PARD6G: variants seen among roughly 807,000 people sequenced by gnomAD.
The protein encoded by PARD6G is par-6 family cell polarity regulator gamma.
A neutral mutation model predicts 10.7 loss-of-function variants in PARD6G; 7 were observed. The ratio of observed to expected loss-of-function variants is 0.66; its 90% CI spans 0.37 to 1.23. The LOEUF (loss-of-function observed/expected upper bound fraction) is 1.23, where lower values mean the gene tolerates loss of function less well. Ranked by LOEUF, PARD6G falls within the 50% of genes most tolerant of loss-of-function variation. The pLI is 0.02. For synonymous variants in PARD6G, 287 were observed against 269.4 expected (o/e 1.07, Z -0.64); for missense variants, 548 against 571.8 (o/e 0.96, Z 0.42).
chr18:80,231,268 C>T lies in PARD6G; in HGVS notation c.72+16009G>A, dbSNP rs893572951. ...TTGGCCTGGGCCCAAGTGTGTGAGG[C>T]GTGAGCACAGGCTGCGCATCTGTCC... On this transcript the variant is annotated intron_variant, in intron 1 of 2. Transcript: ENST00000353265. This position sits in a 1 kb window ranked among gnomAD's most constrained non-coding sequence, Gnocchi z 4.2. 3.3e-5 allele frequency among the ~76,000 whole-genome samples: 5 copies of T among 152,200 alleles called. No homozygotes were observed. Among genetic ancestry groups the T allele is most frequent in the Admixed American group, 6.5e-5 (1 of 15,286 alleles).
rs149015292 is a variant in PARD6G, at chr18:80,245,610, A to G, written c.72+1667T>C. Among the ~76,000 whole-genome samples, 56 of 152,282 alleles carry G rather than the reference A, an allele frequency of 3.7e-4. 1 individual carries two copies. In the East Asian group the frequency reaches 9.1e-3, roughly 25 times the overall value. Reference sequence around the variant, plus strand: ...AGAGGCTGAGAACACAGACCTCTATATTCTCTCACAGCTACTTGTGAATGT... The same window carrying G: ...AGAGGCTGAGAACACAGACCTCTATGTTCTCTCACAGCTACTTGTGAATGT... On this transcript the variant is annotated intron_variant, in intron 1 of 2. Coordinates refer to ENST00000353265, the MANE Select transcript of PARD6G (RefSeq NM_032510.4).
chr18:80,215,471 G>C (rs1242110991), intron 1 of PARD6G, among the ~76,000 whole-genome samples: 1 of 152,118 alleles, frequency 6.6e-6, no homozygotes, highest in Non-Finnish European at 1.5e-5. Context: ...AATGTAATTT[G>C]TATGATGACA....
intron 1 of PARD6G, among the ~76,000 whole-genome samples, chr18:80,203,294 A>G (rs1336782956): frequency 1.3e-5 from 2 of 152,198 alleles, no homozygotes; most frequent in Admixed American, 1.3e-4. Context: ...GTATTTATTA[A>G]TTCTCCACAA....
At chr18:80,223,801 A>C (rs1368576663) in intron 1 of PARD6G, among the ~76,000 whole-genome samples, 7 of 152,214 alleles carry the variant, frequency 4.6e-5, no homozygotes, top group Non-Finnish European at 1.5e-5. Flanking sequence ...AGGATGTTCC[A>C]AGGGACCAAG....
intron 2 of PARD6G, among the ~76,000 whole-genome samples, chr18:80,173,250 G>A (rs551239253): frequency 6.7e-4 from 102 of 152,314 alleles, no homozygotes; most frequent in African/African-American, 2.3e-3. Flanking sequence ...TATGGAAAAA[G>A]TTTGTCGTGG....
intron 1 of PARD6G, among the ~76,000 whole-genome samples, chr18:80,223,169 C>G (rs1568441248): frequency 6.6e-6 from 1 of 151,942 alleles, no homozygotes; most frequent in Non-Finnish European, 1.5e-5. Flanking sequence ...AACTATTAGA[C>G]AAATACATAG....
rs2052687915 is a variant in PARD6G, at chr18:80,160,136, C to G, written c.766G>C (p.Val256Leu). Residue 256 changes from valine to leucine, a missense_variant, in exon 3 of 3, where the codon GTG (valine) becomes CTG (leucine). This residue lies in a region of PARD6G where 313 missense variants were observed against 279.9 expected (regional missense o/e 1.12). Transcript: ENST00000353265. ...TVKPANQRNN[V>L]VRGGRALGSS... The stretch of plus-strand genomic sequence containing the variant: ...CCCAACGCGCGGCCGCCGCGCACCA[C>G]GTTGTTGCGCTGGTTGGCGGGCTTG... 1.2e-6 allele frequency: 2 copies of G among 1,613,068 alleles called. No individual in the cohort carries two copies. Among genetic ancestry groups the G allele is most frequent in the Non-Finnish European group, 1.7e-6 (2 of 1,179,696 alleles).
intron 1 of PARD6G, among the ~76,000 whole-genome samples, chr18:80,204,734 A>AACCCGGGAGGCAGAGGTTGCAGT (rs1366738887): frequency 6.6e-6 from 1 of 151,956 alleles, no homozygotes; most frequent in Admixed American, 6.6e-5. Context: ...AGATTACTTG[A>AACCCGGGAGGCAGAGGTTGCAGT]GGTCAGGAGT....
At chr18:80,213,572 A>G (rs1967129373) in intron 1 of PARD6G, among the ~76,000 whole-genome samples, 1 of 152,256 alleles carries the variant, frequency 6.6e-6, no homozygotes. Flanking sequence ...GACAAAGAAT[A>G]CAGACTTCAT....
intron 1 of PARD6G, among the ~76,000 whole-genome samples, chr18:80,217,916 A>G (rs1022711815): frequency 1.8e-4 from 27 of 152,164 alleles, no homozygotes; most frequent in African/African-American, 6.5e-4. Flanking sequence ...CAGCAAGGAG[A>G]AGTGCAGAGT....
chr18:80,211,810 C>T (rs1193103407), intron 1 of PARD6G, among the ~76,000 whole-genome samples: 1 of 152,064 alleles, frequency 6.6e-6, no homozygotes, highest in African/African-American at 2.4e-5. Flanking sequence ...CAGAGAAGGA[C>T]AATACTGTAT....
At chr18:80,238,599 T>C (rs1599878860) in intron 1 of PARD6G, among the ~76,000 whole-genome samples, 1 of 152,042 alleles carries the variant, frequency 6.6e-6, no homozygotes, top group African/African-American at 2.4e-5. Flanking sequence ...CGGGGGTAGG[T>C]ACTCACTAGA....
intron 1 of PARD6G, among the ~76,000 whole-genome samples, chr18:80,214,037 A>G (rs1325420543): frequency 6.6e-6 from 1 of 152,110 alleles, no homozygotes; most frequent in Non-Finnish European, 1.5e-5. Flanking sequence ...AAAATAAAGC[A>G]GTCAGTAGAA....
In PARD6G at chr18:80,247,201, G is replaced by C; in HGVS notation, c.72+76C>G. The C allele has an allele frequency of 1.6e-6, 2 of 1,247,482 alleles. No individual in the cohort carries two copies. The highest frequency in any genetic ancestry group is 2.7e-5 in the South Asian group (2 of 73,214). The allele number at this position is 1,247,482 out of a possible 1,614,324, so 77.3% of individuals were successfully genotyped here. A position where few individuals can be genotyped will look rare whatever the true frequency, so the allele number is the denominator to read the frequency against. ...CGCCTGTCGCCTCCACGCCGCCCCA[G>C]TCCCCCTCCGCGGGGCGCCCCATTC... is the stretch of plus-strand genomic sequence containing the variant. On this transcript the variant is annotated intron_variant, in intron 1 of 2. Coordinates refer to ENST00000353265, the MANE Select transcript of PARD6G (RefSeq NM_032510.4). The surrounding 1 kb of genome is among the most constrained non-coding windows in gnomAD (Gnocchi z 4.2).
intron 2 of PARD6G, 147 bp downstream of exon 2, chr18:80,202,563 C>T (rs1394704833): frequency 3.2e-6 from 2 of 626,142 alleles, no homozygotes; most frequent in Admixed American, 3.0e-5. Flanking sequence ...TCTATTAATG[C>T]TGATGAAACA....
At chr18:80,239,135 G>A (rs1183296901) in intron 1 of PARD6G, among the ~76,000 whole-genome samples, 1 of 152,152 alleles carries the variant, frequency 6.6e-6, no homozygotes, top group African/African-American at 2.4e-5. Flanking sequence ...GATGTGAAGG[G>A]AGAATAAGGG....
At position 80,166,611 on chromosome 18, in the gene PARD6G, A is replaced by G. The variant is rs148314695; in HGVS notation, c.296-6005T>C. On this transcript the variant is annotated intron_variant, in intron 2 of 2. Coordinates refer to ENST00000353265, the MANE Select transcript of PARD6G (RefSeq NM_032510.4). Reference sequence around the variant, plus strand: ...AGCAGCATTTTCAAGTTTCTGGTAAATGTCCTCTGTAGAGAGCGTCAGACA... The same window carrying G: ...AGCAGCATTTTCAAGTTTCTGGTAAGTGTCCTCTGTAGAGAGCGTCAGACA... 8.5e-4 allele frequency among the ~76,000 whole-genome samples: 128 copies of G among 150,832 alleles called. 2 individuals are homozygous for G. The highest frequency in any genetic ancestry group is 3.0e-3 in the African/African-American group (123 of 40,920).
chr18:80,208,036 T>C (rs1221106334), intron 1 of PARD6G, among the ~76,000 whole-genome samples: 1 of 152,054 alleles, frequency 6.6e-6, no homozygotes, highest in Non-Finnish European at 1.5e-5. Context: ...ATCAAATCAC[T>C]GCAGCATTTA....
intron 2 of PARD6G, among the ~76,000 whole-genome samples, chr18:80,196,293 G>C (rs1049597250): frequency 4.6e-5 from 7 of 152,218 alleles, no homozygotes; most frequent in African/African-American, 1.4e-4. Context: ...TCTACAGTGA[G>C]AGGCCTGGAA....
Sources: allele counts gnomAD v4.1 joint callset (sites outside exome capture counted in the v4.1 genomes callset), GRCh38; gene constraint gnomAD v4.1.1; regional missense constraint gnomAD v4.1.1; non-coding constraint Gnocchi (gnomAD v3.1); transcripts MANE v1.5; gene names NCBI Gene and HGNC (gene_info 2026-07-23, HGNC 2026-07-21).